Variants in SH3RF2 observed in about 807,000 individuals in gnomAD.
SH3RF2 encodes SH3 domain containing ring finger 2.
SH3RF2 carries 43 observed loss-of-function variants against 59.0 expected under a neutral mutation model. That is an observed-to-expected ratio of 0.73 (90% CI 0.57 to 0.94). The LOEUF (loss-of-function observed/expected upper bound fraction) is 0.94. Ranked by LOEUF, SH3RF2 falls within the 40% of genes least tolerant of loss-of-function variation. The pLI is 0.00. For synonymous variants in SH3RF2, 391 were observed against 391.5 expected (o/e 1.00, Z 0.01); for missense variants, 930 against 940.1 (o/e 0.99, Z 0.14).
chr5:146,061,069 G>A (rs1036251946), intron 9 of SH3RF2, among the ~76,000 whole-genome samples: 14 of 152,132 alleles, frequency 9.2e-5, no homozygotes, highest in African/African-American at 3.1e-4. Context: ...CCCTCAGAAC[G>A]GAAAGAGGAT....
intron 2 of SH3RF2, among the ~76,000 whole-genome samples, chr5:145,969,629 G>A (rs1758996521): frequency 6.6e-6 from 1 of 152,038 alleles, no homozygotes. Flanking sequence ...CAGCTACTTA[G>A]GAGACTGAGG....
At chr5:146,060,312 C>A in intron 9 of SH3RF2, 88 bp downstream of exon 9, 1 of 1,289,230 alleles carries the variant, frequency 7.8e-7, no homozygotes, top group Non-Finnish European at 1.1e-6. Context: ...TGTTGGTGAA[C>A]AAGGAACCAA....
intron 5 of SH3RF2, among the ~76,000 whole-genome samples, chr5:146,018,042 C>G (rs559960508): frequency 6.6e-6 from 1 of 152,066 alleles, no homozygotes; most frequent in Non-Finnish European, 1.5e-5. Flanking sequence ...TTTTACCAAA[C>G]GGGAAAACTC....
At position 145,994,605 on chromosome 5, in the gene SH3RF2, A is replaced by T. The variant is rs118144408; in HGVS notation, c.379-5453A>T. ...CGGAAACCCTTGATACACCCATCAG[A>T]TCTCATGAGACTTTTATTCACAATC... On this transcript the variant is annotated intron_variant, in intron 2 of 9. Transcript: ENST00000359120. 1.4e-4 allele frequency among the ~76,000 whole-genome samples: 21 copies of T among 152,294 alleles called. No homozygotes were observed. The East Asian group carries it at 4.1e-3, about 29-fold the overall frequency.
chr5:145,946,125 G>A (rs1024411660), intron 2 of SH3RF2, among the ~76,000 whole-genome samples: 3 of 152,216 alleles, frequency 2.0e-5, no homozygotes, highest in African/African-American at 7.2e-5. Context: ...GGGTCACACT[G>A]CCCCAGATCC....
rs1442601755 is a variant in SH3RF2, at chr5:145,967,888, G to A, written c.378+29582G>A. 2.6e-5 allele frequency among the ~76,000 whole-genome samples: 4 copies of A among 152,262 alleles called. No individual in the cohort carries two copies. In the East Asian group the frequency reaches 7.7e-4, roughly 29 times the overall value. Reference sequence around the variant, plus strand: ...TTGGCCAGGCTGGTCTCAAACTCCTGACCTCAAGTGATCCACCCACCTTGG... The same window carrying A: ...TTGGCCAGGCTGGTCTCAAACTCCTAACCTCAAGTGATCCACCCACCTTGG... On this transcript the variant is annotated intron_variant, in intron 2 of 9. Coordinates refer to ENST00000359120, the MANE Select transcript of SH3RF2 (RefSeq NM_152550.4).
intron 4 of SH3RF2, among the ~76,000 whole-genome samples, chr5:146,011,945 C>A (rs1760919607): frequency 6.6e-6 from 1 of 152,196 alleles, no homozygotes; most frequent in Non-Finnish European, 1.5e-5. Context: ...CAGAGGGCAT[C>A]CCTGTCTTGT....
At chr5:145,997,897 C>G in intron 2 of SH3RF2, 1 of 904,432 alleles carries the variant, frequency 1.1e-6, no homozygotes, top group Non-Finnish European at 1.9e-6. Context: ...AGCTCTGAAG[C>G]AAACACCAAA....
At chr5:145,993,388 G>A (rs1325491968) in intron 2 of SH3RF2, among the ~76,000 whole-genome samples, 1 of 152,180 alleles carries the variant, frequency 6.6e-6, no homozygotes, top group African/African-American at 2.4e-5. Flanking sequence ...GCCCTAGTAG[G>A]GACTCTGTGG....
rs139813276 is a variant in SH3RF2 at position 146,049,150 on chromosome 5, C to A, written c.1227C>A (p.Val409=). 169 of 1,614,156 alleles carry A rather than the reference C, an allele frequency of 1.0e-4. 2 individuals are homozygous for A. In the Middle Eastern group the frequency reaches 5.1e-3, roughly 49 times the overall value. Residue 409 remains valine (V), a synonymous_variant, in exon 7 of 10, where the codon GTC becomes GTA. Coordinates refer to ENST00000359120, the MANE Select transcript of SH3RF2 (RefSeq NM_152550.4). ...TGCAAAAGGGAGAAGGCGTCAGGGT[C>A]CTGGGGAAGTGCCAGGACGGCTGGC... The part of the protein sequence containing the change: ...LDLQKGEGVR[V]LGKCQDGWLR...
At chr5:146,029,807 A>G (rs1380402587) in intron 5 of SH3RF2, among the ~76,000 whole-genome samples, 1 of 152,224 alleles carries the variant, frequency 6.6e-6, no homozygotes, top group Non-Finnish European at 1.5e-5. Context: ...AACAAAAGAA[A>G]GATAAAGAGA....
At chr5:145,975,099 G>A (rs1041063528) in intron 2 of SH3RF2, among the ~76,000 whole-genome samples, 9 of 152,180 alleles carry the variant, frequency 5.9e-5, no homozygotes, top group Non-Finnish European at 1.0e-4. Flanking sequence ...TGCCCTACAC[G>A]CATGTTCTGC....
chr5:146,074,771 GCCCT>G (rs1200918931), intron 9 of SH3RF2, among the ~76,000 whole-genome samples: 1 of 140,886 alleles, frequency 7.1e-6, no homozygotes, highest in Non-Finnish European at 1.6e-5. Context: ...TCAGCCCTCT[GCCCT>G]CTCTCTCTCT....
chr5:145,990,467 G>A (rs933474165), intron 2 of SH3RF2, among the ~76,000 whole-genome samples: 9 of 152,138 alleles, frequency 5.9e-5, no homozygotes, highest in African/African-American at 9.7e-5. Context: ...TGGCTAGCCT[G>A]GCCCACGTAC....
intron 2 of SH3RF2, among the ~76,000 whole-genome samples, chr5:145,940,697 CATT>C (rs1202936058): frequency 2.0e-5 from 3 of 152,206 alleles, no homozygotes; most frequent in African/African-American, 4.8e-5. Context: ...AAAGCATCAT[CATT>C]AAGATTCATT....
intron 2 of SH3RF2, among the ~76,000 whole-genome samples, chr5:145,987,351 C>T (rs982760457): frequency 2.6e-5 from 4 of 152,080 alleles, no homozygotes; most frequent in Admixed American, 6.6e-5. Flanking sequence ...ACCCTTCCCC[C>T]GAAGCCCCCA....
In SH3RF2 at chr5:146,000,102, C is replaced by T. The variant is rs754685731; in HGVS notation, c.423C>T (p.Pro141=). 18 of 1,613,416 alleles carry T rather than the reference C, an allele frequency of 1.1e-5. No homozygotes were observed. The highest frequency in any genetic ancestry group is 3.3e-5 in the South Asian group (3 of 90,948). The change falls in exon 3 of 10, where the codon CCC becomes CCT. Residue 141 remains proline (P), a synonymous_variant. Coordinates refer to ENST00000359120, the MANE Select transcript of SH3RF2 (RefSeq NM_152550.4). ...TATGCAACTACAGAGGGCAGAATCC[C>T]GGTGACCTAAGGTTTAATAAGGGAG... ...KALCNYRGQN[P]GDLRFNKGDI... is the part of the protein sequence containing the mutation.
Position 146,047,768 on chromosome 5 carries a change from G to T in SH3RF2, c.1060-4G>T, listed in dbSNP as rs1292623337. 6.2e-7 allele frequency: 1 copy of T among 1,613,838 alleles called. No individual in the cohort carries two copies. Among genetic ancestry groups the T allele is most frequent in the Non-Finnish European group, 8.5e-7 (1 of 1,179,900 alleles). ...CTGCTTGGCTGTCTTTTCTGTCTGT[G>T]CAGGTCAGCACTTATCACCCCGCAC... On this transcript the variant is annotated splice_region_variant and splice_polypyrimidine_tract_variant and intron_variant, in intron 5 of 9. Transcript: ENST00000359120.
At chr5:145,944,978 T>C (rs1027768030) in intron 2 of SH3RF2, among the ~76,000 whole-genome samples, 1 of 152,182 alleles carries the variant, frequency 6.6e-6, no homozygotes. Flanking sequence ...GCAAAGATTC[T>C]CACCTCCTCA....
Sources: allele counts gnomAD v4.1 joint callset (sites outside exome capture counted in the v4.1 genomes callset), GRCh38; gene constraint gnomAD v4.1.1; transcripts MANE v1.5; gene names NCBI Gene and HGNC (gene_info 2026-07-23, HGNC 2026-07-21).